MYO6: variants seen among roughly 807,000 people sequenced by gnomAD.
MYO6 encodes the protein unconventional myosin-VI.
In MYO6, 74 loss-of-function variants were observed where a neutral mutation model predicts 178.7. The observed-to-expected ratio is 0.41, with a 90% CI of 0.34 to 0.50. MYO6 has a LOEUF of 0.50. MYO6 is among the 20% of genes least tolerant of loss of function. The pLI is 0.09. For synonymous variants in MYO6, 477 were observed against 504.6 expected (o/e 0.95, Z 0.73); for missense variants, 1,330 against 1,547.4 (o/e 0.86, Z 2.36).
Position 75,854,358 on chromosome 6 carries a change from G to A in MYO6, c.1079-781G>A, listed in dbSNP as rs141231090. 2.1e-4 allele frequency among the ~76,000 whole-genome samples: 27 copies of A among 128,090 alleles called. No individual in the cohort carries two copies. The East Asian group carries it at 6.2e-3, about 29-fold the overall frequency. 84.0% of individuals were successfully genotyped at this position (128,090 alleles called of 152,430 possible). A position where few individuals can be genotyped will look rare whatever the true frequency, so the allele number is the denominator to read the frequency against. On this transcript the variant is annotated intron_variant, in intron 11 of 34. Transcript: ENST00000369977. Reference sequence around the variant, plus strand: ...GATATTGAAAATGTCAAAAAGGCTTGCAGATACCCCTAAGGGTAACAGTAA... The same window carrying A: ...GATATTGAAAATGTCAAAAAGGCTTACAGATACCCCTAAGGGTAACAGTAA...
chr6:75,766,028 A>G (rs1778385731), intron 1 of MYO6, among the ~76,000 whole-genome samples: 1 of 152,182 alleles, frequency 6.6e-6, no homozygotes, highest in African/African-American at 2.4e-5. Context: ...ACTCCGTCTC[A>G]AAGAAAAAAG....
At chr6:75,845,259 C>A (rs1210903978) in intron 10 of MYO6, among the ~76,000 whole-genome samples, 1 of 152,172 alleles carries the variant, frequency 6.6e-6, no homozygotes, top group African/African-American at 2.4e-5. Context: ...GCCTAAGAAT[C>A]ATTCTCTTCT....
rs369677552 is a variant in MYO6, at chr6:75,881,827, T to C, written c.2416+9T>C. On this transcript the variant is annotated intron_variant, in intron 23 of 34. Coordinates refer to ENST00000369977, the MANE Select transcript of MYO6 (RefSeq NM_004999.4). ...ACTCTCAGTCATCAAATGTAGGTGT[T>C]TTCCTTTACACCTATAGGATCTTTC... 6.2e-6 allele frequency: 10 copies of C among 1,613,058 alleles called. No homozygotes were observed. The African/African-American group carries it at 9.3e-5, about 15-fold the overall frequency.
In MYO6 at chr6:75,817,523, G is replaced by T. The variant is rs1419625977; in HGVS notation, c.-25G>T. 6.3e-7 allele frequency: 1 copy of T among 1,580,454 alleles called. No individual in the cohort carries two copies. Among genetic ancestry groups the T allele is most frequent in the Non-Finnish European group, 8.7e-7 (1 of 1,149,412 alleles). ...CAGGTGACAGTGGATAGTGGAAACAGGAGATCGTGGATCCTCCTTCAAAAA... is the reference window on the plus strand; with the variant it reads ...CAGGTGACAGTGGATAGTGGAAACATGAGATCGTGGATCCTCCTTCAAAAA... On this transcript the variant is annotated 5_prime_UTR_variant, in exon 2 of 35. In the 5' UTR this introduces an upstream ATG that the reference lacks. Transcript: ENST00000369977.
At chr6:75,849,723 C>T (rs1252190693) in intron 11 of MYO6, among the ~76,000 whole-genome samples, 3 of 152,030 alleles carry the variant, frequency 2.0e-5, no homozygotes, top group Non-Finnish European at 2.9e-5. Context: ...CTCTTCAAGG[C>T]GGGAAATACG....
At chr6:75,835,838 A>G in intron 6 of MYO6, 63 bp from the exon 7 acceptor site, 1 of 929,598 alleles carries the variant, frequency 1.1e-6, no homozygotes, top group African/African-American at 1.6e-5. Context: ...TGTACTAGAT[A>G]ATTATAAATT....
chr6:75,834,892 C>A (rs1773490550), intron 6 of MYO6, among the ~76,000 whole-genome samples: 2 of 152,050 alleles, frequency 1.3e-5, no homozygotes, highest in African/African-American at 4.8e-5. Flanking sequence ...GTTTCAATTT[C>A]TTTTTCTTTC....
chr6:75,839,579 A>T (rs923782081), intron 7 of MYO6, among the ~76,000 whole-genome samples: 2 of 152,236 alleles, frequency 1.3e-5, no homozygotes, highest in Non-Finnish European at 2.9e-5. Context: ...GATGGAGAAT[A>T]TGTGTGTAAG....
chr6:75,908,357 A>G (rs545726349), intron 31 of MYO6, 139 bp from the exon 32 acceptor site: 1 of 751,606 alleles, frequency 1.3e-6, no homozygotes, highest in East Asian at 2.7e-5. Flanking sequence ...TATCCTTATG[A>G]ATAATTAGCT....
intron 30 of MYO6, among the ~76,000 whole-genome samples, chr6:75,900,430 A>G (rs1439350664): frequency 1.3e-5 from 2 of 152,144 alleles, no homozygotes; most frequent in Non-Finnish European, 2.9e-5. Context: ...TTGCCATTCT[A>G]ACTGATGTGA....
At chr6:75,757,520 G>A (rs1777565000) in intron 1 of MYO6, among the ~76,000 whole-genome samples, 1 of 151,570 alleles carries the variant, frequency 6.6e-6, no homozygotes, top group Non-Finnish European at 1.5e-5. Flanking sequence ...TGTTGGGTGA[G>A]GGGTGGGAAT....
At chr6:75,912,744 A>T (rs904757492) in intron 33 of MYO6, among the ~76,000 whole-genome samples, 2 of 152,124 alleles carry the variant, frequency 1.3e-5, no homozygotes, top group African/African-American at 4.8e-5. Flanking sequence ...GAGTTTTGAA[A>T]ACTTAAAAGT....
chr6:75,903,638 G>T (rs1252590721), intron 30 of MYO6, among the ~76,000 whole-genome samples: 1 of 151,840 alleles, frequency 6.6e-6, no homozygotes, highest in Non-Finnish European at 1.5e-5. Context: ...CGTGAGATGG[G>T]TTTCCTGAAT....
At chr6:75,854,869 T>C (rs1775599056) in intron 11 of MYO6, among the ~76,000 whole-genome samples, 1 of 152,142 alleles carries the variant, frequency 6.6e-6, no homozygotes, top group Non-Finnish European at 1.5e-5. Context: ...AGTTTGCTTA[T>C]AGGGTCAAAA....
intron 19 of MYO6, 32 bp downstream of exon 19, chr6:75,870,717 A>T: frequency 6.3e-7 from 1 of 1,577,448 alleles, no homozygotes; most frequent in Non-Finnish European, 8.7e-7. Flanking sequence ...ACAGGTTTTT[A>T]TGGGTCATCT....
chr6:75,752,795 G>A (rs530691654), intron 1 of MYO6, among the ~76,000 whole-genome samples: 144 of 152,230 alleles, frequency 9.5e-4, no homozygotes, highest in African/African-American at 3.4e-3. Context: ...GACATTATAT[G>A]TATTGTGCAT....
At chr6:75,851,663 C>T (rs1473962588) in intron 11 of MYO6, among the ~76,000 whole-genome samples, 1 of 151,534 alleles carries the variant, frequency 6.6e-6, no homozygotes, top group Non-Finnish European at 1.5e-5. Flanking sequence ...CCCCAAAACA[C>T]ACACACAAAC....
At chr6:75,824,367 G>C (rs1772222624) in intron 3 of MYO6, among the ~76,000 whole-genome samples, 1 of 152,164 alleles carries the variant, frequency 6.6e-6, no homozygotes, top group South Asian at 2.1e-4. Flanking sequence ...CCCTACTGAA[G>C]ACACTTTTCT....
At chr6:75,776,304 A>C (rs1361308871) in intron 1 of MYO6, among the ~76,000 whole-genome samples, 1 of 152,206 alleles carries the variant, frequency 6.6e-6, no homozygotes, top group African/African-American at 2.4e-5. Context: ...TATCAACATA[A>C]AATTTCTCAG....
Sources: allele counts gnomAD v4.1 joint callset (sites outside exome capture counted in the v4.1 genomes callset), GRCh38; gene constraint gnomAD v4.1.1; transcripts MANE v1.5; gene names NCBI Gene and HGNC (gene_info 2026-07-23, HGNC 2026-07-21).